The following PDGFRB variants were observed in gnomAD, a reference collection of about 807,000 sequenced individuals.
The protein encoded by PDGFRB is platelet-derived growth factor receptor beta.
Under a neutral mutation model 120.2 loss-of-function variants are expected in PDGFRB, and 42 were observed. The ratio of observed to expected loss-of-function variants is 0.35; its 90% CI spans 0.27 to 0.45. The LOEUF is 0.45. Among genes scored for constraint, PDGFRB ranks in the 20% least tolerant of loss-of-function variants. The pLI, the probability that PDGFRB is intolerant of heterozygous loss-of-function variation, is 1.00. For synonymous variants in PDGFRB, 586 were observed against 606.8 expected (o/e 0.97, Z 0.50); for missense variants, 1,149 against 1,476.3 (o/e 0.78, Z 3.63).
intron 22 of PDGFRB, among the ~76,000 whole-genome samples, chr5:150,116,496 C>G (rs2113881241): frequency 6.6e-6 from 1 of 152,168 alleles, no homozygotes; most frequent in South Asian, 2.1e-4. Context: ...GTAATTCCAG[C>G]TACTCGGGAG....
chr5:150,127,231 C>T (rs778001995), intron 10 of PDGFRB, among the ~76,000 whole-genome samples: 8 of 152,238 alleles, frequency 5.3e-5, no homozygotes, highest in Non-Finnish European at 1.0e-4. Context: ...CTGGCCCTTA[C>T]AAGCCTCGAG....
At chr5:150,122,880 C>T (rs1760182076) in intron 15 of PDGFRB, among the ~76,000 whole-genome samples, 162 bp downstream of exon 15, 1 of 152,232 alleles carries the variant, frequency 6.6e-6, no homozygotes, top group Admixed American at 6.5e-5. Flanking sequence ...GTGTTATTCC[C>T]TCATCTGGGG....
At chr5:150,123,632 A>C (rs1760209105) in intron 14 of PDGFRB, among the ~76,000 whole-genome samples, 1 of 152,236 alleles carries the variant, frequency 6.6e-6, no homozygotes, top group Non-Finnish European at 1.5e-5. Flanking sequence ...ACTTAAAGTC[A>C]ATCAGTGAGA....
intron 1 of PDGFRB, among the ~76,000 whole-genome samples, chr5:150,143,680 G>C (rs1760841331): frequency 6.6e-6 from 1 of 152,206 alleles, no homozygotes; most frequent in Admixed American, 6.5e-5. Flanking sequence ...ATTGGGTCAT[G>C]TGATCAGGGA....
Position 150,115,623 on chromosome 5 carries a change from C to T in PDGFRB, c.*140G>A, listed in dbSNP as rs547943878. On this transcript the variant is annotated 3_prime_UTR_variant, in exon 23 of 23. Coordinates refer to ENST00000261799, the MANE Select transcript of PDGFRB (RefSeq NM_002609.4). ...CAGCCCCAGGGTTTGGGGCACAACA[C>T]GTCAGGAGCAGAAAGCTTCCAGAAG... The T allele has an allele frequency of 3.7e-5, 28 of 762,978 alleles. 2 individuals carry two copies. In the South Asian group the frequency reaches 4.0e-4, roughly 11 times the overall value. The allele number at this position is 762,978 out of a possible 1,614,324, so 47.3% of individuals were successfully genotyped here. A position where few individuals can be genotyped will look rare whatever the true frequency, so the allele number is the denominator to read the frequency against.
chr5:150,124,380 C>G lies in PDGFRB; in HGVS notation c.1913-20G>C, dbSNP rs2113895230. ...CTGTGGCTGAGGAAAATGGGGGCCC[C>G]AGGCCAGGCCCAGTCATGGAGGCTC... On this transcript the variant is annotated intron_variant, in intron 13 of 22. Transcript: ENST00000261799. 1 of 1,572,418 alleles carries G rather than the reference C, an allele frequency of 6.4e-7. No individual in the cohort carries two copies. Among genetic ancestry groups the G allele is most frequent in the Non-Finnish European group, 8.8e-7 (1 of 1,142,242 alleles).
intron 22 of PDGFRB, 72 bp downstream of exon 22, chr5:150,117,528 GCGCGCGCGCGCGCGCGCA>G: frequency 4.7e-6 from 2 of 429,766 alleles, no homozygotes; most frequent in Non-Finnish European, 8.3e-6. Flanking sequence ...AAACCTGGCA[GCGCGCGCGCGCGCGCGCA>G]CACACACACA....
intron 21 of PDGFRB, 33 bp downstream of exon 21, chr5:150,118,714 T>G: frequency 7.6e-7 from 1 of 1,315,872 alleles, no homozygotes; most frequent in African/African-American, 1.4e-5. Flanking sequence ...ACCAGAGCTC[T>G]CCGTGCTCCA....
In PDGFRB at chr5:150,130,987, G is replaced by T. The variant is rs566363956; in HGVS notation, c.1244-325C>A. ...AAGCCAGCATTTAATAGCATTGTTT[G>T]GTCTTCTCTGAGTTTATTTTAGTGG... is the stretch of plus-strand genomic sequence containing the variant. On this transcript the variant is annotated intron_variant, in intron 8 of 22. Coordinates refer to ENST00000261799, the MANE Select transcript of PDGFRB (RefSeq NM_002609.4). Among the ~76,000 whole-genome samples, 170 of 152,158 alleles carry T rather than the reference G, an allele frequency of 1.1e-3. 1 individual carries two copies. Among genetic ancestry groups the T allele is most frequent in the African/African-American group, 3.8e-3 (157 of 41,512 alleles).
In PDGFRB at chr5:150,132,616, C is replaced by T; in HGVS notation, c.1127+134G>A. The T allele has an allele frequency of 2.6e-6, 2 of 772,532 alleles. No individual in the cohort carries two copies. The highest frequency in any genetic ancestry group is 4.1e-6 in the Non-Finnish European group (2 of 488,894). The allele number at this position is 772,532 out of a possible 1,614,324, so 47.9% of individuals were successfully genotyped here. A position where few individuals can be genotyped will look rare whatever the true frequency, so the allele number is the denominator to read the frequency against. ...GATGAACTGTCAGCTCTGGTCGCTG[C>T]AGCATCCCCAGCACCTGGCACCTAA... On this transcript the variant is annotated intron_variant, in intron 7 of 22. Coordinates refer to ENST00000261799, the MANE Select transcript of PDGFRB (RefSeq NM_002609.4). The surrounding 1 kb of genome is among the most constrained non-coding windows in gnomAD (Gnocchi z 5.0).
At chr5:150,154,156 A>G (rs1761159671) in intron 1 of PDGFRB, among the ~76,000 whole-genome samples, 1 of 152,196 alleles carries the variant, frequency 6.6e-6, no homozygotes, top group South Asian at 2.1e-4. Context: ...GAACCTAGGA[A>G]GGCTGCCTGG....
chr5:150,126,243 T>C (rs1033416418), intron 11 of PDGFRB, among the ~76,000 whole-genome samples: 11 of 152,166 alleles, frequency 7.2e-5, no homozygotes, highest in African/African-American at 1.4e-4. Flanking sequence ...CCATGCTCCA[T>C]GGCTAGGATG....
chr5:150,129,782 C>T lies in PDGFRB; in HGVS notation c.1554G>A (p.Thr518=), dbSNP rs371192118. The T allele has an allele frequency of 7.4e-6, 12 of 1,613,532 alleles. No homozygotes were observed. Among genetic ancestry groups the T allele is most frequent in the African/African-American group, 6.7e-5 (5 of 74,952 alleles). ...AGTGTGGCACCACGATGACCTCCTG[C>T]GTGTCCTGGCCCACAGCGTTGCGCA... The part of the protein sequence containing the change: ...CTLRNAVGQD[T]QEVIVVPHSL... Residue 518 remains threonine (T), a synonymous_variant, in exon 10 of 23, where the codon ACG becomes ACA. Transcript: ENST00000261799.
intron 14 of PDGFRB, among the ~76,000 whole-genome samples, chr5:150,123,486 G>A (rs963618794): frequency 2.6e-5 from 4 of 152,318 alleles, no homozygotes; most frequent in African/African-American, 7.2e-5. Flanking sequence ...GGCTGGGCAC[G>A]TGGCGAGCTC....
rs2113890362 is a variant in PDGFRB at position 150,121,378 on chromosome 5, A to G, written c.2345-56T>C. On this transcript the variant is annotated intron_variant, in intron 16 of 22. Coordinates refer to ENST00000261799, the MANE Select transcript of PDGFRB (RefSeq NM_002609.4). This position sits in a 1 kb window ranked among gnomAD's most constrained non-coding sequence, Gnocchi z 4.1. ...CTTATATCTCCTTCTGGCCCACAGG[A>G]CCCCTGCCCTTTGGCTCCTGGGAGA... 1.2e-6 allele frequency: 1 copy of G among 852,400 alleles called. No homozygotes were observed. Among genetic ancestry groups the G allele is most frequent in the South Asian group, 1.3e-5 (1 of 75,716 alleles). 52.8% of individuals were successfully genotyped at this position (852,400 alleles called of 1,614,324 possible).
rs758904285 is a variant in PDGFRB, at chr5:150,115,846, C to T, written c.3238G>A (p.Val1080Met). 7 of 1,612,378 alleles carry T rather than the reference C, an allele frequency of 4.3e-6. No homozygotes were observed. Among genetic ancestry groups the T allele is most frequent in the East Asian group, 4.5e-5 (2 of 44,878 alleles). ...TGTTCCAGCTCTGGCTCCGGCTCCA[C>T]CTGGAGCTCAAGCTGGGGCTCTGGC... ...PEPEPQLELQVEPEPELEQLP... is the reference protein window; with the variant it reads ...PEPEPQLELQMEPEPELEQLP... Residue 1080 changes from valine to methionine, a missense_variant, in exon 23 of 23, where the codon GTG (valine) becomes ATG (methionine). Transcript: ENST00000261799.
chr5:150,124,743 G>A lies in PDGFRB; in HGVS notation c.1896C>T (p.Ala632=), dbSNP rs200452401. Residue 632 remains alanine, a synonymous_variant, in exon 13 of 23, where the codon GCC becomes GCT. Transcript: ENST00000261799. ...LSHSQATMKV[A]VKMLKSTARS... The stretch of plus-strand genomic sequence containing the variant: ...ACTACTCACATTTAAGCATCTTGAC[G>A]GCCACTTTCATCGTGGCCTGAGAAT... 420 of 1,566,588 alleles carry A rather than the reference G, an allele frequency of 2.7e-4. 2 individuals carry two copies. In the South Asian group the frequency reaches 4.2e-3, roughly 16 times the overall value.
Position 150,150,949 on chromosome 5 carries a change from T to C in PDGFRB, c.-7+4448A>G, listed in dbSNP as rs570495696. ...GGCCTTCCTCCCCGACCCTCCCTGC[T>C]CAGTATCTCAGGAAAATGGGCATGT... On this transcript the variant is annotated intron_variant, in intron 1 of 22. Transcript: ENST00000261799. 6.6e-5 allele frequency among the ~76,000 whole-genome samples: 10 copies of C among 152,242 alleles called. 1 individual carries two copies. The highest frequency in any genetic ancestry group is 2.4e-4 in the African/African-American group (10 of 41,538).
At chr5:150,149,431 G>T (rs1165260142) in intron 1 of PDGFRB, among the ~76,000 whole-genome samples, 2 of 152,180 alleles carry the variant, frequency 1.3e-5, no homozygotes, top group Non-Finnish European at 2.9e-5. Context: ...GCCCTCAGGA[G>T]GATGAGTACT....
Sources: allele counts gnomAD v4.1 joint callset (sites outside exome capture counted in the v4.1 genomes callset), GRCh38; gene constraint gnomAD v4.1.1; non-coding constraint Gnocchi (gnomAD v3.1); transcripts MANE v1.5; gene names NCBI Gene and HGNC (gene_info 2026-07-23, HGNC 2026-07-21).